Variants in CIMIP2C observed in about 807,000 individuals in gnomAD.
CIMIP2C encodes the protein UPF0573 protein C2orf70.
chr2:26,567,076 A>T, the CIMIP2C span, among the ~76,000 whole-genome samples: 1 of 152,220 alleles, frequency 6.6e-6, no homozygotes, highest in Admixed American at 6.5e-5. Context: ...TAATAGACTT[A>T]ACAATTTCCT....
chr2:26,571,401 C>T, the CIMIP2C span, among the ~76,000 whole-genome samples: 1 of 152,168 alleles, frequency 6.6e-6, no homozygotes, highest in African/African-American at 2.4e-5. Flanking sequence ...GAACCTTGAC[C>T]ATGGTCCCAC....
At chr2:26,564,505 G>T in the CIMIP2C span, among the ~76,000 whole-genome samples, 1 of 152,214 alleles carries the variant, frequency 6.6e-6, no homozygotes, top group Non-Finnish European at 1.5e-5. Context: ...GGGCTAGTTT[G>T]AGCAGCTGAG....
chr2:26,579,067 C>T, the CIMIP2C span: 1,669 of 575,182 alleles, frequency 2.9e-3, 34 homozygotes, highest in South Asian at 0.03. Flanking sequence ...GACCAGAGTC[C>T]GTCCCAGGTC....
chr2:26,578,636 G>C, the CIMIP2C span: 1 of 400,912 alleles, frequency 2.5e-6, no homozygotes, highest in Non-Finnish European at 5.1e-6. Flanking sequence ...TCTTGGAATG[G>C]CTCTGAGCCA....
chr2:26,571,763 T>C, the CIMIP2C span, among the ~76,000 whole-genome samples: 1 of 152,054 alleles, frequency 6.6e-6, no homozygotes, highest in African/African-American at 2.4e-5. Context: ...CTCAGGGTGG[T>C]ATGGCTGTAG....
chr2:26,575,073 C>T, the CIMIP2C span, among the ~76,000 whole-genome samples: 3 of 152,214 alleles, frequency 2.0e-5, no homozygotes, highest in East Asian at 5.8e-4. Flanking sequence ...TCTCATTTAA[C>T]CAAGGATCTC....
chr2:26,567,831 G>A, the CIMIP2C span, among the ~76,000 whole-genome samples: 1 of 152,166 alleles, frequency 6.6e-6, no homozygotes, highest in African/African-American at 2.4e-5. Flanking sequence ...TGGTTGGGCT[G>A]GGCCAGGGCT....
At chr2:26,566,052 C>G in the CIMIP2C span, among the ~76,000 whole-genome samples, 1 of 152,346 alleles carries the variant, frequency 6.6e-6, no homozygotes, top group East Asian at 1.9e-4. Flanking sequence ...AGGATCCAAG[C>G]TTCCTGCTTG....
the CIMIP2C span, chr2:26,572,122 TG>T: frequency 6.5e-7 from 1 of 1,546,008 alleles, no homozygotes; most frequent in Non-Finnish European, 8.7e-7. Context: ...TTAGATGCCA[TG>T]GGTTGACTCT....
chr2:26,572,762 C>T, the CIMIP2C span, among the ~76,000 whole-genome samples: 3 of 152,182 alleles, frequency 2.0e-5, no homozygotes, highest in African/African-American at 7.2e-5. Context: ...CCATCTAACA[C>T]CTAAGGCTTG....
At chr2:26,577,534 A>C in the CIMIP2C span, 9 of 1,614,004 alleles carry the variant, frequency 5.6e-6, no homozygotes, top group Non-Finnish European at 7.6e-6. Context: ...GCAGCATCGG[A>C]AGTACTATCA....
the CIMIP2C span, among the ~76,000 whole-genome samples, chr2:26,575,559 C>T: frequency 1.3e-5 from 2 of 152,164 alleles, no homozygotes; most frequent in Non-Finnish European, 2.9e-5. Context: ...GAGGGAGAGG[C>T]CCAGAGCCCC....
the CIMIP2C span, among the ~76,000 whole-genome samples, chr2:26,563,658 G>A: frequency 6.6e-6 from 1 of 152,222 alleles, no homozygotes; most frequent in East Asian, 1.9e-4. Context: ...GATTCTGCAG[G>A]CAGAGTCTCC....
the CIMIP2C span, among the ~76,000 whole-genome samples, chr2:26,574,024 A>G: frequency 6.6e-6 from 1 of 152,234 alleles, no homozygotes; most frequent in Admixed American, 6.5e-5. Context: ...GAAACCATGC[A>G]TTGCTATCTA....
At chr2:26,569,534 C>A in the CIMIP2C span, among the ~76,000 whole-genome samples, 1 of 152,110 alleles carries the variant, frequency 6.6e-6, no homozygotes, top group Non-Finnish European at 1.5e-5. Context: ...GCCGAATAGT[C>A]GCTGGTTAAT....
chr2:26,574,621 A>G, the CIMIP2C span, among the ~76,000 whole-genome samples: 1 of 152,232 alleles, frequency 6.6e-6, no homozygotes, highest in Non-Finnish European at 1.5e-5. Flanking sequence ...GGAGGTGGCT[A>G]CGGCCATGGC....
chr2:26,565,358 T>C, the CIMIP2C span, among the ~76,000 whole-genome samples: 1 of 152,212 alleles, frequency 6.6e-6, no homozygotes, highest in African/African-American at 2.4e-5. Flanking sequence ...CCCAAAGTGC[T>C]GGGATTACAG....
At chr2:26,569,685 T>C in the CIMIP2C span, among the ~76,000 whole-genome samples, 6 of 152,100 alleles carry the variant, frequency 3.9e-5, no homozygotes, top group Non-Finnish European at 7.4e-5. Flanking sequence ...GGCCTTAGAA[T>C]CCACATGTGA....
chr2:26,575,494 CCT>C, the CIMIP2C span, among the ~76,000 whole-genome samples: 1 of 152,228 alleles, frequency 6.6e-6, no homozygotes, highest in Non-Finnish European at 1.5e-5. Flanking sequence ...TGTTCTGGCC[CCT>C]GTGTAAGCCC....
Sources: allele counts gnomAD v4.1 joint callset (sites outside exome capture counted in the v4.1 genomes callset), GRCh38; gene constraint gnomAD v4.1.1; transcripts MANE v1.5; gene names NCBI Gene and HGNC (gene_info 2026-07-23, HGNC 2026-07-21).